Variants in HMOX2 observed in about 807,000 individuals in gnomAD.
HMOX2 encodes heme oxygenase (decycling) 2.
Under a neutral mutation model 33.7 loss-of-function variants are expected in HMOX2, and 30 were observed. That is an observed-to-expected ratio of 0.89 (90% CI 0.67 to 1.21). The LOEUF (loss-of-function observed/expected upper bound fraction) is 1.21. Ranked by LOEUF, HMOX2 falls within the 50% of genes most tolerant of loss-of-function variation. The probability of loss-of-function intolerance (pLI) is 0.00; values close to 1 mark genes in which losing one functional copy is unlikely to be tolerated. For missense variants in HMOX2, 403 were observed against 399.1 expected (o/e 1.01, Z -0.08); for synonymous variants, 155 against 155.0 (o/e 1.00, Z 0.00).
chr16:4,497,789 G>T (rs1369543852), intron 1 of HMOX2, among the ~76,000 whole-genome samples: 1 of 151,708 alleles, frequency 6.6e-6, no homozygotes, highest in East Asian at 1.9e-4. Flanking sequence ...AGATGGAGGG[G>T]GTCTCACTTT....
At chr16:4,492,634 C>A (rs2058331620) in intron 1 of HMOX2, among the ~76,000 whole-genome samples, 2 of 151,852 alleles carry the variant, frequency 1.3e-5, no homozygotes, top group African/African-American at 4.8e-5. Flanking sequence ...CAGGAAAATC[C>A]CTTGAACCCA....
At position 4,508,024 on chromosome 16, in the gene HMOX2, G is replaced by A. The variant is rs751658860; in HGVS notation, c.516G>A (p.Gln172=). The change falls in exon 4 of 6, where the codon CAG becomes CAA. Residue 172 remains glutamine, a synonymous_variant. Transcript: ENST00000570646. The stretch of plus-strand genomic sequence containing the variant: ...GCCAGGTGCTGAAGAAGGTGGCCCA[G>A]CGAGCACTGAAACTCCCCAGCACAG... ...SGGQVLKKVA[Q]RALKLPSTGE... The A allele has an allele frequency of 1.9e-6, 3 of 1,613,982 alleles. No individual in the cohort carries two copies. The highest frequency in any genetic ancestry group is 2.2e-5 in the East Asian group (1 of 44,882).
Position 4,508,179 on chromosome 16 carries a change from A to T in HMOX2, c.671A>T (p.Asn224Ile). Residue 224 changes from asparagine (N) to isoleucine (I), a missense_variant, in exon 4 of 6, where the codon AAC (asparagine) becomes ATC (isoleucine). Physicochemically the swap from Asn to Ile is moderately radical, Grantham distance 149. Coordinates refer to ENST00000570646, the MANE Select transcript of HMOX2 (RefSeq NM_002134.4). ...AAAGAGAGGATCGTGGAGGAGGCCA[A>T]CAAGGCTTTTGAGTATAACATGCAG... ...KTKERIVEEA[N>I]KAFEYNMQIF... The T allele has an allele frequency of 6.2e-7, 1 of 1,611,962 alleles. No individual in the cohort carries two copies. Among genetic ancestry groups the T allele is most frequent in the Non-Finnish European group, 8.5e-7 (1 of 1,178,942 alleles).
intron 4 of HMOX2, among the ~76,000 whole-genome samples, chr16:4,508,959 G>A (rs1432604684): frequency 6.6e-6 from 1 of 152,200 alleles, no homozygotes; most frequent in Non-Finnish European, 1.5e-5. Flanking sequence ...AAGACCATCA[G>A]GCAGTGCAGC....
At position 4,484,916 on chromosome 16, in the gene HMOX2, C is replaced by G. The variant is rs149075860; in HGVS notation, c.-42+8429C>G. Among the ~76,000 whole-genome samples the G allele has an allele frequency of 9.3e-4, 141 of 151,998 alleles. 2 individuals carry two copies. The highest frequency in any genetic ancestry group is 3.3e-3 in the African/African-American group (136 of 41,470). On this transcript the variant is annotated intron_variant, in intron 1 of 5. Transcript: ENST00000570646. Reference sequence around the variant, plus strand: ...AGGTAATCATGACAAGAAAAAAAATCTGTACATGTGTAGTACATATGTAGC... The same window carrying G: ...AGGTAATCATGACAAGAAAAAAAATGTGTACATGTGTAGTACATATGTAGC...
chr16:4,486,685 A>G (rs1326295051), intron 1 of HMOX2, among the ~76,000 whole-genome samples: 3 of 152,190 alleles, frequency 2.0e-5, no homozygotes, highest in African/African-American at 7.2e-5. Flanking sequence ...CCAGCTTCCC[A>G]CTGTTGATTT....
intron 1 of HMOX2, among the ~76,000 whole-genome samples, chr16:4,495,026 C>T (rs1034447965): frequency 6.6e-6 from 1 of 152,148 alleles, no homozygotes; most frequent in Non-Finnish European, 1.5e-5. Context: ...GGCTCTCATT[C>T]TGAGAAGTTG....
At chr16:4,485,007 C>T (rs1395762316) in intron 1 of HMOX2, among the ~76,000 whole-genome samples, 4 of 151,760 alleles carry the variant, frequency 2.6e-5, no homozygotes, top group African/African-American at 4.8e-5. Flanking sequence ...ACTCTGTCAC[C>T]GAGGCTGGAG....
intron 1 of HMOX2, among the ~76,000 whole-genome samples, chr16:4,498,267 A>T (rs1207139003): frequency 6.6e-6 from 1 of 151,466 alleles, no homozygotes; most frequent in East Asian, 1.9e-4. Flanking sequence ...GGGTTTTGCC[A>T]TGTTGGCCAG....
At chr16:4,495,634 A>G (rs1425127910) in intron 1 of HMOX2, 1 of 152,232 alleles carries the variant, frequency 6.6e-6, no homozygotes, top group Non-Finnish European at 1.5e-5. Flanking sequence ...TTTTACAGGA[A>G]GTTTATGTTA....
At chr16:4,499,165 C>G (rs1442189208) in intron 1 of HMOX2, among the ~76,000 whole-genome samples, 1 of 152,224 alleles carries the variant, frequency 6.6e-6, no homozygotes, top group Non-Finnish European at 1.5e-5. Flanking sequence ...CCCAATTGCT[C>G]ATTCTCACCA....
chr16:4,509,481 C>T lies in HMOX2; in HGVS notation c.766C>T (p.His256Tyr). ...RETLEDGFPV[H>Y]DGKGDMRKCP... Reference sequence around the variant, plus strand: ...GACCTTGGAGGATGGGTTCCCTGTACACGATGGGAAAGGAGACATGCGTAA... The same window carrying T: ...GACCTTGGAGGATGGGTTCCCTGTATACGATGGGAAAGGAGACATGCGTAA... The change falls in exon 5 of 6, where the codon CAC (histidine) becomes TAC (tyrosine). Residue 256 changes from histidine to tyrosine, a missense_variant. Transcript: ENST00000570646. The T allele has an allele frequency of 1.2e-6, 2 of 1,614,132 alleles. No individual in the cohort carries two copies. Among genetic ancestry groups the T allele is most frequent in the Non-Finnish European group, 1.7e-6 (2 of 1,180,002 alleles).
At chr16:4,476,075 C>G, upstream of HMOX2, 1 of 152,238 alleles carries the variant, frequency 6.6e-6, no homozygotes, top group Non-Finnish European at 1.5e-5. Flanking sequence ...GGCAAGTGAC[C>G]AAGTGGGTGG....
At chr16:4,489,864 G>C (rs2036191457) in intron 1 of HMOX2, among the ~76,000 whole-genome samples, 2 of 152,210 alleles carry the variant, frequency 1.3e-5, no homozygotes, top group Admixed American at 1.3e-4. Context: ...TCCTGCCTCA[G>C]CCTCCCAAAG....
chr16:4,488,826 T>A (rs1374924251), intron 1 of HMOX2: 5 of 13,934 alleles, frequency 3.6e-4, no homozygotes, highest in Non-Finnish European at 2.1e-4. Context: ...TGTACATTTC[T>A]TTTTTTTTTT....
At chr16:4,484,460 C>CTTTTTTTTTTT (rs58092240) in intron 1 of HMOX2, among the ~76,000 whole-genome samples, 1 of 118,288 alleles carries the variant, frequency 8.5e-6, no homozygotes. Context: ...CTTTTCTTTT[C>CTTTTTTTTTTT]TTTTTTTTTT....
intron 1 of HMOX2, among the ~76,000 whole-genome samples, chr16:4,477,180 C>G (rs1365006394): frequency 6.6e-6 from 1 of 152,024 alleles, no homozygotes; most frequent in African/African-American, 2.4e-5. Flanking sequence ...AGTCTTTGCA[C>G]GAGGCCTGCC....
chr16:4,493,057 C>T (rs764447768), intron 1 of HMOX2, among the ~76,000 whole-genome samples: 4 of 152,052 alleles, frequency 2.6e-5, no homozygotes, highest in African/African-American at 4.8e-5. Flanking sequence ...GACAGAGTCT[C>T]GCTCTGTGGC....
chr16:4,507,589 C>T lies in HMOX2; in HGVS notation c.205-124C>T. 4.3e-6 allele frequency: 4 copies of T among 936,758 alleles called. No homozygotes were observed. The South Asian group carries it at 6.8e-5, about 16-fold the overall frequency. 58.0% of individuals were successfully genotyped at this position (936,758 alleles called of 1,614,324 possible). A position where few individuals can be genotyped will look rare whatever the true frequency, so the allele number is the denominator to read the frequency against. ...GCTTCCTTGTGTGTTAAATAATTCA[C>T]TACATAAAAATGGACCATAGGATTG... On this transcript the variant is annotated intron_variant, in intron 3 of 5. Coordinates refer to ENST00000570646, the MANE Select transcript of HMOX2 (RefSeq NM_002134.4).
Sources: gnomAD v4.1 joint callset for allele counts (sites outside exome capture counted in the v4.1 genomes callset) on GRCh38, gnomAD v4.1.1 for gene constraint, MANE v1.5 for transcripts, NCBI Gene and HGNC (gene_info 2026-07-23, HGNC 2026-07-21) for gene names.